STXBP5L: variants seen among roughly 807,000 people sequenced by gnomAD.
The protein encoded by STXBP5L is syntaxin binding protein 5L.
A neutral mutation model predicts 144.5 loss-of-function variants in STXBP5L; 65 were observed. The observed-to-expected ratio is 0.45, with a 90% CI of 0.37 to 0.55. STXBP5L has a LOEUF of 0.55. Ranked by LOEUF, STXBP5L falls within the 20% of genes least tolerant of loss-of-function variation. The probability of loss-of-function intolerance (pLI) is 0.00; values close to 1 mark genes in which losing one functional copy is unlikely to be tolerated. For synonymous variants in STXBP5L, 505 were observed against 469.6 expected, an observed-to-expected ratio of 1.08 and a Z score of -0.97; for missense variants, 1,298 against 1,405.5, an observed-to-expected ratio of 0.92 and a Z score of 1.22.
chr3:120,957,264 T>C (rs1042060303), intron 3 of STXBP5L, among the ~76,000 whole-genome samples: 3 of 152,012 alleles, frequency 2.0e-5, no homozygotes, highest in Admixed American at 2.0e-4. Flanking sequence ...AATTTGAAAT[T>C]AGATGAATTT....
At chr3:120,921,936 T>A (rs1709377702) in intron 2 of STXBP5L, among the ~76,000 whole-genome samples, 1 of 152,082 alleles carries the variant, frequency 6.6e-6, no homozygotes, top group Admixed American at 6.6e-5. Context: ...AGGGTTTCTT[T>A]GGCTATTCAG....
chr3:121,276,367 T>C (rs2050887345), intron 18 of STXBP5L, among the ~76,000 whole-genome samples: 2 of 152,002 alleles, frequency 1.3e-5, no homozygotes, highest in Admixed American at 1.3e-4. Context: ...TACATTGTTA[T>C]TAATTTTACT....
chr3:121,244,645 G>A (rs796876591), intron 14 of STXBP5L, among the ~76,000 whole-genome samples: 14 of 151,954 alleles, frequency 9.2e-5, no homozygotes, highest in African/African-American at 2.4e-4. Context: ...TCAAACTGTC[G>A]AAAATCAAAA....
chr3:121,348,199 C>T (rs1475158354), intron 20 of STXBP5L, among the ~76,000 whole-genome samples: 1 of 152,092 alleles, frequency 6.6e-6, no homozygotes. Flanking sequence ...GCCTTTTCTG[C>T]ATCTATTGAG....
At chr3:121,176,472 A>T (rs1161924103) in intron 9 of STXBP5L, among the ~76,000 whole-genome samples, 6 of 146,146 alleles carry the variant, frequency 4.1e-5, no homozygotes, top group Admixed American at 2.1e-4. Flanking sequence ...AAATCAATAA[A>T]CATCTAGCCA....
At chr3:120,933,933 G>T (rs1444407767) in intron 2 of STXBP5L, among the ~76,000 whole-genome samples, 1 of 152,032 alleles carries the variant, frequency 6.6e-6, no homozygotes, top group Non-Finnish European at 1.5e-5. Flanking sequence ...AGGAATGATT[G>T]TAGTTTGCTG....
intron 19 of STXBP5L, among the ~76,000 whole-genome samples, chr3:121,289,009 C>G (rs1310759997): frequency 6.6e-6 from 1 of 151,658 alleles, no homozygotes; most frequent in Admixed American, 6.6e-5. Flanking sequence ...TTTAAAAATA[C>G]CTACCAGGCA....
chr3:121,272,129 C>T (rs1037432992), intron 18 of STXBP5L, among the ~76,000 whole-genome samples: 3 of 152,064 alleles, frequency 2.0e-5, no homozygotes, highest in African/African-American at 4.8e-5. Context: ...TGTATGTGTC[C>T]GTTAGATCCA....
intron 10 of STXBP5L, among the ~76,000 whole-genome samples, chr3:121,209,727 C>A (rs1468149740): frequency 3.3e-5 from 5 of 152,156 alleles, no homozygotes; most frequent in Non-Finnish European, 5.9e-5. Flanking sequence ...ATGATGGTTT[C>A]CAGCTTCATC....
In STXBP5L at chr3:121,190,049, C is replaced by T. The variant is rs199631355; in HGVS notation, c.878-15874C>T. On this transcript the variant is annotated intron_variant, in intron 9 of 26. Transcript: ENST00000471454. ...ATTTTAATAAGCTTTGGTTTTTTGT[C>T]CCTTTTTTTTTTAATTTTTTTAGTA... 6.7e-5 allele frequency among the ~76,000 whole-genome samples: 10 copies of T among 149,962 alleles called. No individual in the cohort carries two copies. In the East Asian group the frequency reaches 2.0e-3, roughly 29 times the overall value.
intron 3 of STXBP5L, among the ~76,000 whole-genome samples, chr3:121,017,658 C>T (rs948437607): frequency 6.6e-6 from 1 of 152,188 alleles, no homozygotes; most frequent in Non-Finnish European, 1.5e-5. Context: ...CAATTAAAAA[C>T]ACAGTACCAT....
At chr3:121,357,960 T>G (rs1199444137) in intron 20 of STXBP5L, 3 of 152,214 alleles carry the variant, frequency 2.0e-5, no homozygotes, top group Admixed American at 1.3e-4. Flanking sequence ...TTTTTCTTTT[T>G]TAAAAATCTT....
Position 121,378,803 on chromosome 3 carries a change from A to G in STXBP5L, c.2264A>G (p.Asn755Ser), listed in dbSNP as rs2046255667. 1.2e-6 allele frequency: 2 copies of G among 1,613,700 alleles called. No homozygotes were observed. Among genetic ancestry groups the G allele is most frequent in the African/African-American group, 2.7e-5 (2 of 75,018 alleles). The change falls in exon 21 of 27, where the codon AAT (asparagine) becomes AGT (serine). Residue 755 changes from asparagine to serine, a missense_variant. Asn to Ser is a conservative substitution (Grantham distance 46). Coordinates refer to ENST00000471454, the MANE Select transcript of STXBP5L (RefSeq NM_001308330.2). ...TCTAGTGCCGATGTTTCAAAAGTAA[A>G]TCGCTGGGGTCCTGGAAGACCACCA... Reference protein sequence around the residue: ...RLSSADVSKVNRWGPGRPPFR... With the variant: ...RLSSADVSKVSRWGPGRPPFR...
chr3:121,046,791 T>C (rs1446501932), intron 5 of STXBP5L, among the ~76,000 whole-genome samples: 1 of 151,972 alleles, frequency 6.6e-6, no homozygotes, highest in Non-Finnish European at 1.5e-5. Flanking sequence ...ATATTTCTTA[T>C]GTCAAAAAAC....
intron 18 of STXBP5L, among the ~76,000 whole-genome samples, chr3:121,262,818 C>T (rs2050427448): frequency 6.6e-6 from 1 of 152,152 alleles, no homozygotes. Context: ...GATAATAGCT[C>T]CAAAGTAAGT....
At chr3:120,990,073 C>A (rs187758013) in intron 3 of STXBP5L, among the ~76,000 whole-genome samples, 2 of 152,104 alleles carry the variant, frequency 1.3e-5, no homozygotes, top group East Asian at 3.9e-4. Flanking sequence ...TGTCTCAGCC[C>A]AAAATCTCCT....
intron 9 of STXBP5L, among the ~76,000 whole-genome samples, chr3:121,161,119 T>C (rs927514083): frequency 2.0e-5 from 3 of 152,178 alleles, no homozygotes; most frequent in African/African-American, 7.2e-5. Context: ...TTGCTATTTA[T>C]CATTTTCATT....
At chr3:121,004,809 CAT>C (rs1461714701) in intron 3 of STXBP5L, among the ~76,000 whole-genome samples, 2 of 152,152 alleles carry the variant, frequency 1.3e-5, no homozygotes, top group Admixed American at 6.6e-5. Context: ...TTGAGATAAT[CAT>C]GTGGGTTTTG....
intron 12 of STXBP5L, 103 bp downstream of exon 12, chr3:121,233,791 T>TAA (rs2049383109): frequency 1.1e-6 from 1 of 871,556 alleles, no homozygotes. Flanking sequence ...TGAATATTGG[T>TAA]TTGCTAGAAT....
Sources: gnomAD v4.1 joint callset for allele counts (sites outside exome capture counted in the v4.1 genomes callset) on GRCh38, gnomAD v4.1.1 for gene constraint, MANE v1.5 for transcripts, NCBI Gene and HGNC (gene_info 2026-07-23, HGNC 2026-07-21) for gene names.